The following ESRRG variants were observed in gnomAD, a reference collection of about 807,000 sequenced individuals.
The protein encoded by ESRRG is estrogen-related receptor gamma.
Under a neutral mutation model 44.0 loss-of-function variants are expected in ESRRG, and 13 were observed. The observed-to-expected ratio is 0.30, with a 90% CI of 0.19 to 0.47. The LOEUF (loss-of-function observed/expected upper bound fraction) is 0.47. Ranked by LOEUF, ESRRG falls within the 20% of genes least tolerant of loss-of-function variation. ESRRG has a pLI of 1.00. For missense variants in ESRRG, 395 were observed against 580.6 expected, an observed-to-expected ratio of 0.68 and a Z score of 3.29; for synonymous variants, 215 against 214.6, an observed-to-expected ratio of 1.00 and a Z score of -0.02.
intron 5 of ESRRG, among the ~76,000 whole-genome samples, chr1:216,530,495 A>G (rs555894405): frequency 6.6e-6 from 1 of 152,258 alleles, no homozygotes; most frequent in African/African-American, 2.4e-5. Flanking sequence ...GCTGGCTTTA[A>G]GGCTCAGGGT....
intron 2 of ESRRG, among the ~76,000 whole-genome samples, chr1:216,836,393 C>T (rs1577080127): frequency 1.3e-5 from 2 of 152,292 alleles, no homozygotes; most frequent in East Asian, 3.9e-4. Context: ...AGGTTGCTGT[C>T]TCACCAGTGA....
chr1:216,798,378 G>A (rs1451726136), intron 2 of ESRRG, among the ~76,000 whole-genome samples: 1 of 152,176 alleles, frequency 6.6e-6, no homozygotes, highest in Non-Finnish European at 1.5e-5. Context: ...CTATAAGTAA[G>A]AGAGCATTCA....
At chr1:216,905,436 C>T (rs1328864810) in intron 2 of ESRRG, among the ~76,000 whole-genome samples, 1 of 152,174 alleles carries the variant, frequency 6.6e-6, no homozygotes, top group Non-Finnish European at 1.5e-5. Flanking sequence ...GTTCAGCTCT[C>T]GGCTCAAAGG....
In ESRRG at chr1:216,811,178, G is replaced by T. The variant is rs147531594; in HGVS notation, c.-14+128404C>A. 4.1e-3 allele frequency among the ~76,000 whole-genome samples: 624 copies of T among 152,254 alleles called. 4 individuals carry two copies. The highest frequency in any genetic ancestry group is 0.014 in the African/African-American group (588 of 41,562). On this transcript the variant is annotated intron_variant, in intron 2 of 7. Transcript: ENST00000359162. ...TTGCTCTTGAGGAAATGTTTGGTATGGGAGAAGATAGGACCTATCAAATAA... is the reference window on the plus strand; with the variant it reads ...TTGCTCTTGAGGAAATGTTTGGTATTGGAGAAGATAGGACCTATCAAATAA...
chr1:216,520,871 C>T (rs1488515656), intron 5 of ESRRG, among the ~76,000 whole-genome samples: 1 of 152,138 alleles, frequency 6.6e-6, no homozygotes, highest in Non-Finnish European at 1.5e-5. Flanking sequence ...GTCACTGTTG[C>T]TGTCCTTTTC....
chr1:216,634,983 C>A (rs1345308209), intron 3 of ESRRG, among the ~76,000 whole-genome samples: 1 of 152,018 alleles, frequency 6.6e-6, no homozygotes, highest in Non-Finnish European at 1.5e-5. Flanking sequence ...TCTCTCCTCC[C>A]TCCTTTTTTC....
At position 216,950,101 on chromosome 1, in the gene ESRRG, C is replaced by T. The variant is rs957991407; in HGVS notation, c.-105-10428G>A. ...GTGCTGGGATTATAGGCATGAGCCA[C>T]CACACCCAGCCCTTACTTCTTTTGA... On this transcript the variant is annotated intron_variant, in intron 1 of 7. Transcript: ENST00000359162. Among the ~76,000 whole-genome samples the T allele has an allele frequency of 8.3e-4, 126 of 152,336 alleles. 1 individual carries two copies. Among genetic ancestry groups the T allele is most frequent in the African/African-American group, 3.0e-3 (125 of 41,572 alleles).
Position 216,614,779 on chromosome 1 carries a change from A to G in ESRRG, c.589+36194T>C, listed in dbSNP as rs150450316. The stretch of plus-strand genomic sequence containing the variant: ...CTTAAATGACTCATGAAACATATTT[A>G]TACCGCATTTTCTGTTTAGCTGGTG... On this transcript the variant is annotated intron_variant, in intron 3 of 6. Coordinates refer to ENST00000408911, the MANE Select transcript of ESRRG (RefSeq NM_001438.4). Among the ~76,000 whole-genome samples, 401 of 152,360 alleles carry G rather than the reference A, an allele frequency of 2.6e-3. 1 individual carries two copies. Among genetic ancestry groups the G allele is most frequent in the Non-Finnish European group, 4.4e-3 (296 of 68,034 alleles).
intron 2 of ESRRG, among the ~76,000 whole-genome samples, chr1:216,876,528 G>T (rs888074867): frequency 9.9e-5 from 15 of 151,866 alleles, no homozygotes; most frequent in African/African-American, 3.6e-4. Context: ...TATTTTCAGG[G>T]AGGTGGAAAC....
intron 3 of ESRRG, among the ~76,000 whole-genome samples, chr1:216,621,542 A>G (rs58880230): frequency 0.011 from 1,663 of 152,280 alleles, 32 homozygotes; most frequent in East Asian, 0.062. Flanking sequence ...GATACTCCTC[A>G]TCTCTAGTCA....
intron 1 of ESRRG, among the ~76,000 whole-genome samples, chr1:216,989,729 A>T (rs752157635): frequency 1.3e-5 from 2 of 152,112 alleles, no homozygotes; most frequent in Non-Finnish European, 2.9e-5. Flanking sequence ...GTGTCCCTGC[A>T]GCTTCCTTTT....
chr1:216,889,262 A>G (rs1185411832), intron 2 of ESRRG, among the ~76,000 whole-genome samples: 4 of 152,186 alleles, frequency 2.6e-5, no homozygotes, highest in Non-Finnish European at 5.9e-5. Flanking sequence ...TTCTGACTGG[A>G]CATTTCTAAG....
chr1:216,534,068 G>A (rs1202286286), intron 5 of ESRRG, among the ~76,000 whole-genome samples: 1 of 152,082 alleles, frequency 6.6e-6, no homozygotes, highest in African/African-American at 2.4e-5. Context: ...TGAAGCCATA[G>A]ATAAAGATAA....
At chr1:217,034,207 T>C (rs2082488073) in intron 1 of ESRRG, among the ~76,000 whole-genome samples, 1 of 152,196 alleles carries the variant, frequency 6.6e-6, no homozygotes, top group Non-Finnish European at 1.5e-5. Flanking sequence ...TAATAATGTC[T>C]ATGAGATTTT....
chr1:216,761,219 A>G (rs902647239), intron 2 of ESRRG, among the ~76,000 whole-genome samples: 2 of 118,374 alleles, frequency 1.7e-5, no homozygotes, highest in Non-Finnish European at 3.5e-5. Flanking sequence ...CCTTATACAT[A>G]CTTCCTTTTT....
chr1:216,878,800 A>C (rs1467861645), intron 2 of ESRRG, among the ~76,000 whole-genome samples: 1 of 152,248 alleles, frequency 6.6e-6, no homozygotes, highest in East Asian at 1.9e-4. Context: ...CAAAATACTA[A>C]AAAATACTGC....
intron 3 of ESRRG, among the ~76,000 whole-genome samples, chr1:216,587,540 G>C (rs1407655329): frequency 5.3e-5 from 8 of 152,100 alleles, no homozygotes; most frequent in Non-Finnish European, 2.9e-5. Flanking sequence ...GAATATGTAT[G>C]TAATTTTAGC....
intron 2 of ESRRG, among the ~76,000 whole-genome samples, chr1:216,842,822 T>C (rs1418379638): frequency 6.6e-6 from 1 of 152,194 alleles, no homozygotes; most frequent in Non-Finnish European, 1.5e-5. Context: ...TAAAAGAGTG[T>C]TGAAAACTGC....
intron 1 of ESRRG, among the ~76,000 whole-genome samples, chr1:216,717,646 T>G (rs2152032886): frequency 6.6e-6 from 1 of 151,914 alleles, no homozygotes; most frequent in Admixed American, 6.6e-5. Flanking sequence ...AAAAAGCAAT[T>G]GCATAAGTGC....
Sources: gnomAD v4.1 joint callset for allele counts (sites outside exome capture counted in the v4.1 genomes callset) on GRCh38, gnomAD v4.1.1 for gene constraint, MANE v1.5 for transcripts, NCBI Gene and HGNC (gene_info 2026-07-23, HGNC 2026-07-21) for gene names.